NT5DC3: variants seen among roughly 807,000 people sequenced by gnomAD.
NT5DC3 encodes the protein 5'-nucleotidase domain containing 3.
Under a neutral mutation model 67.8 loss-of-function variants are expected in NT5DC3, and 42 were observed. The ratio of observed to expected loss-of-function variants is 0.62; its 90% CI spans 0.48 to 0.80. NT5DC3 has a LOEUF of 0.80. Ranked by LOEUF, NT5DC3 falls within the 30% of genes least tolerant of loss-of-function variation. The pLI, the probability that NT5DC3 is intolerant of heterozygous loss-of-function variation, is 0.00. For synonymous variants in NT5DC3, 237 were observed against 255.6 expected (o/e 0.93, Z 0.69); for missense variants, 570 against 696.4 (o/e 0.82, Z 2.04).
At chr12:103,767,697 C>A (rs778739774), downstream of NT5DC3, among the ~76,000 whole-genome samples, 3 of 151,898 alleles carry the variant, frequency 2.0e-5, no homozygotes, top group Non-Finnish European at 4.4e-5. Flanking sequence ...GGACACACTG[C>A]AAGAGTGATT....
chr12:103,786,799 C>T (rs1373833917), intron 11 of NT5DC3, among the ~76,000 whole-genome samples: 2 of 151,704 alleles, frequency 1.3e-5, no homozygotes, highest in African/African-American at 4.8e-5. Flanking sequence ...TCTCCTGCCT[C>T]AGCCTCCCCA....
At chr12:103,761,803 T>C in the NT5DC3 span, among the ~76,000 whole-genome samples, 1 of 152,200 alleles carries the variant, frequency 6.6e-6, no homozygotes, top group Non-Finnish European at 1.5e-5. Flanking sequence ...GGAAGGATTG[T>C]AAGTTAGAAA....
chr12:103,832,913 T>C (rs574637932), intron 1 of NT5DC3, among the ~76,000 whole-genome samples: 3 of 152,212 alleles, frequency 2.0e-5, no homozygotes, highest in Non-Finnish European at 4.4e-5. Flanking sequence ...TCAAGTATTA[T>C]GTGTAATACT....
chr12:103,835,118 C>A (rs903603043), intron 1 of NT5DC3, among the ~76,000 whole-genome samples: 1 of 152,174 alleles, frequency 6.6e-6, no homozygotes, highest in Non-Finnish European at 1.5e-5. Context: ...TCTGTACAGG[C>A]AGTAACTCAG....
chr12:103,755,453 G>A, the NT5DC3 span: 1 of 1,614,026 alleles, frequency 6.2e-7, no homozygotes, highest in South Asian at 1.1e-5. Flanking sequence ...GATGTCTTCT[G>A]CTATCGGATG....
At chr12:103,815,456 C>T (rs2139422646) in intron 1 of NT5DC3, among the ~76,000 whole-genome samples, 1 of 152,300 alleles carries the variant, frequency 6.6e-6, no homozygotes, top group East Asian at 1.9e-4. Flanking sequence ...AGGTCTCGCT[C>T]TGTTAACCAG....
chr12:103,749,056 G>T, the NT5DC3 span: 1 of 1,614,126 alleles, frequency 6.2e-7, no homozygotes, highest in African/African-American at 1.3e-5. Flanking sequence ...TGCCAGAAGG[G>T]ATACAAAGGG....
intron 1 of NT5DC3, among the ~76,000 whole-genome samples, chr12:103,823,401 C>T (rs1566125595): frequency 6.6e-6 from 1 of 152,152 alleles, no homozygotes; most frequent in Non-Finnish European, 1.5e-5. Context: ...ATGCAAGACA[C>T]TATTATACCC....
chr12:103,762,538 AC>A, the NT5DC3 span: 1 of 1,338,202 alleles, frequency 7.5e-7, no homozygotes, highest in Non-Finnish European at 1.0e-6. Flanking sequence ...AGGGGCGGCC[AC>A]CCACCCCACG....
At chr12:103,766,307 G>C, downstream of NT5DC3, 2 of 1,614,058 alleles carry the variant, frequency 1.2e-6, no homozygotes, top group Middle Eastern at 3.3e-4. Flanking sequence ...ACGGCAGCTT[G>C]AGGGCAATGA....
intron 1 of NT5DC3, 144 bp downstream of exon 1, chr12:103,840,805 G>A (rs1888385956): frequency 1.3e-5 from 5 of 390,376 alleles, no homozygotes; most frequent in Non-Finnish European, 2.2e-5. Context: ...TGCTGCCTGC[G>A]GCTGGGGGTG....
intron 9 of NT5DC3, among the ~76,000 whole-genome samples, chr12:103,792,311 G>A (rs550126358): frequency 1.3e-5 from 2 of 152,302 alleles, no homozygotes; most frequent in South Asian, 2.1e-4. Context: ...ACTGTGACAC[G>A]TGGAAAACTG....
rs537513007 is a variant in NT5DC3, at chr12:103,775,557, G to A, written c.*2272C>T. ...CACCAGCGCATTCTTTTAGAACCCC[G>A]ACACCGAGCAGTTCTGGGCGCAACA... On this transcript the variant is annotated 3_prime_UTR_variant, in exon 14 of 14. Transcript: ENST00000392876. 2.0e-5 allele frequency: 3 copies of A among 152,056 alleles called. No individual in the cohort carries two copies. The highest frequency in any genetic ancestry group is 1.9e-4 in the East Asian group (1 of 5,168). 9.4% of individuals were successfully genotyped at this position (152,056 alleles called of 1,614,324 possible). A position where few individuals can be genotyped will look rare whatever the true frequency, so the allele number is the denominator to read the frequency against.
chr12:103,814,096 C>T (rs150041396), intron 2 of NT5DC3, among the ~76,000 whole-genome samples: 245 of 152,300 alleles, frequency 1.6e-3, no homozygotes, highest in African/African-American at 5.7e-3. Context: ...CCCACGTGAC[C>T]GACGACCCCA....
At chr12:103,760,653 T>C in the NT5DC3 span, among the ~76,000 whole-genome samples, 1 of 152,032 alleles carries the variant, frequency 6.6e-6, no homozygotes, top group African/African-American at 2.4e-5. Context: ...GGGGTAGCGG[T>C]GGAGGTGGTG....
the NT5DC3 span, chr12:103,763,403 C>A: frequency 9.6e-7 from 1 of 1,042,486 alleles, no homozygotes; most frequent in Non-Finnish European, 1.5e-6. Context: ...CTCCCAGAGG[C>A]AAAGGGTGGC....
chr12:103,815,194 A>T (rs11111797), intron 1 of NT5DC3, 73 bp from the exon 2 acceptor site: 143,735 of 963,850 alleles, frequency 0.15, 11,148 homozygotes, highest in Middle Eastern at 0.25. Flanking sequence ...AAGAAAAAAA[A>T]TGAGTAAACT....
At chr12:103,780,088 A>G (rs1885486333) in intron 13 of NT5DC3, among the ~76,000 whole-genome samples, 1 of 152,186 alleles carries the variant, frequency 6.6e-6, no homozygotes. Context: ...GGGCGGAGGA[A>G]TGACAGGGGT....
the NT5DC3 span, chr12:103,763,494 G>T: frequency 7.4e-6 from 12 of 1,613,828 alleles, no homozygotes; most frequent in East Asian, 1.8e-4. Flanking sequence ...CCAAACAGTC[G>T]GAAGAGGACA....
Sources: allele counts gnomAD v4.1 joint callset (sites outside exome capture counted in the v4.1 genomes callset), GRCh38; gene constraint gnomAD v4.1.1; transcripts MANE v1.5; gene names NCBI Gene and HGNC (gene_info 2026-07-23, HGNC 2026-07-21).